Variants in NDUFAF2 observed in about 807,000 individuals in gnomAD.
The protein encoded by NDUFAF2 is NADH dehydrogenase [ubiquinone] 1 alpha subcomplex assembly factor 2.
NDUFAF2 carries 13 observed loss-of-function variants against 22.8 expected under a neutral mutation model. The observed-to-expected ratio is 0.57, with a 90% CI of 0.37 to 0.91. The LOEUF is 0.91. NDUFAF2 is among the 40% of genes least tolerant of loss of function. The pLI is 0.01. For missense variants in NDUFAF2, 162 were observed against 195.2 expected (o/e 0.83, Z 1.01); for synonymous variants, 53 against 64.2 (o/e 0.83, Z 0.84).
intron 3 of NDUFAF2, among the ~76,000 whole-genome samples, chr5:61,100,886 A>G (rs1003458550): frequency 1.5e-4 from 23 of 152,134 alleles, no homozygotes; most frequent in African/African-American, 5.5e-4. Context: ...ATGTTTGCCA[A>G]CATCCAAGCC....
chr5:61,119,901 T>C (rs951872138), intron 3 of NDUFAF2, among the ~76,000 whole-genome samples: 4 of 152,164 alleles, frequency 2.6e-5, no homozygotes, highest in Non-Finnish European at 5.9e-5. Context: ...AATATAACAG[T>C]ACATTTAAAA....
At chr5:61,001,655 C>T (rs2112591126) in intron 1 of NDUFAF2, among the ~76,000 whole-genome samples, 1 of 152,118 alleles carries the variant, frequency 6.6e-6, no homozygotes, top group South Asian at 2.1e-4. Flanking sequence ...TGATGGATAA[C>T]TTAATAAATA....
intron 1 of NDUFAF2, among the ~76,000 whole-genome samples, chr5:61,065,518 TTGCTGGCATGCAAGACTGGTTTAACA>T (rs1752216440): frequency 6.6e-6 from 1 of 152,048 alleles, no homozygotes; most frequent in Non-Finnish European, 1.5e-5. Flanking sequence ...GGGAGATTTA[TTGCTGGCATGCAAGACTGGTTTAACA>T]TACACAAATC....
intron 1 of NDUFAF2, among the ~76,000 whole-genome samples, chr5:60,953,669 A>G (rs1355082958): frequency 1.3e-5 from 2 of 152,168 alleles, no homozygotes; most frequent in Non-Finnish European, 2.9e-5. Context: ...ATAGTGAGTA[A>G]ATGTCTAGAG....
At chr5:61,110,473 G>T (rs567427650) in intron 3 of NDUFAF2, among the ~76,000 whole-genome samples, 1 of 151,992 alleles carries the variant, frequency 6.6e-6, no homozygotes, top group East Asian at 1.9e-4. Context: ...TTTCTTTGCT[G>T]GGAGACTTTA....
intron 3 of NDUFAF2, among the ~76,000 whole-genome samples, chr5:61,133,829 T>C (rs159377): frequency 0.6 from 91,418 of 152,036 alleles, 28,242 homozygotes; most frequent in East Asian, 0.94. Flanking sequence ...TTGTAGGCCC[T>C]GAATTGTGGG....
rs945802783 is a variant in NDUFAF2 at position 61,129,873 on chromosome 5, C to G, written c.259-22831C>G. 3.3e-5 allele frequency among the ~76,000 whole-genome samples: 5 copies of G among 152,050 alleles called. No individual in the cohort carries two copies. The East Asian group carries it at 7.7e-4, about 24-fold the overall frequency. On this transcript the variant is annotated intron_variant, in intron 3 of 3. Transcript: ENST00000296597. ...CATACACTATGCAAATAAAACCCAG[C>G]TTTTTGTTCAACCTAGGCATGTTAA...
chr5:61,019,836 A>T (rs1185349135), intron 1 of NDUFAF2, among the ~76,000 whole-genome samples: 1 of 152,076 alleles, frequency 6.6e-6, no homozygotes, highest in Non-Finnish European at 1.5e-5. Flanking sequence ...TCTTAAAAAG[A>T]GCTGAATCAT....
intron 3 of NDUFAF2, among the ~76,000 whole-genome samples, chr5:61,117,874 C>A (rs754249895): frequency 1.3e-5 from 2 of 151,996 alleles, no homozygotes; most frequent in Non-Finnish European, 2.9e-5. Flanking sequence ...GTGGCTATAT[C>A]CAATAAAACG....
intron 1 of NDUFAF2, among the ~76,000 whole-genome samples, chr5:60,962,157 A>T (rs1476921007): frequency 2.0e-5 from 3 of 150,224 alleles, no homozygotes; most frequent in Non-Finnish European, 4.4e-5. Context: ...TTCACCTCAC[A>T]TAGTTATCTT....
intron 1 of NDUFAF2, among the ~76,000 whole-genome samples, chr5:61,039,717 T>C (rs1225383645): frequency 1.3e-5 from 2 of 152,202 alleles, no homozygotes; most frequent in Admixed American, 1.3e-4. Flanking sequence ...TTTCTCTTTC[T>C]GGCAAGGATG....
intron 3 of NDUFAF2, 97 bp from the exon 4 acceptor site, chr5:61,152,607 A>T: frequency 6.1e-6 from 5 of 814,296 alleles, no homozygotes; most frequent in Non-Finnish European, 9.1e-6. Context: ...GTATATATTT[A>T]TATGTATATA....
At chr5:61,056,510 A>G (rs78844956) in intron 1 of NDUFAF2, among the ~76,000 whole-genome samples, 3,709 of 152,310 alleles carry the variant, frequency 0.024, 63 homozygotes, top group Non-Finnish European at 0.038. Flanking sequence ...GAGAACAAAG[A>G]TAAAATTCAT....
chr5:60,971,580 C>T (rs1750831137), intron 1 of NDUFAF2, among the ~76,000 whole-genome samples: 4 of 152,132 alleles, frequency 2.6e-5, no homozygotes, highest in South Asian at 4.1e-4. Flanking sequence ...AGCCACCGCG[C>T]CCGGCATATC....
At chr5:61,081,411 T>G (rs902043279) in intron 2 of NDUFAF2, among the ~76,000 whole-genome samples, 1 of 152,100 alleles carries the variant, frequency 6.6e-6, no homozygotes, top group African/African-American at 2.4e-5. Context: ...AGTTACTGAA[T>G]GAGGATAGTA....
intron 1 of NDUFAF2, among the ~76,000 whole-genome samples, chr5:60,962,305 G>A (rs1750699268): frequency 6.6e-6 from 1 of 151,520 alleles, no homozygotes; most frequent in Non-Finnish European, 1.5e-5. Flanking sequence ...TTTTGCAAAA[G>A]TTGAAAGCAT....
At chr5:61,062,085 A>C (rs1375950413) in intron 1 of NDUFAF2, among the ~76,000 whole-genome samples, 2 of 152,220 alleles carry the variant, frequency 1.3e-5, no homozygotes, top group Non-Finnish European at 2.9e-5. Context: ...ACCACTCTGT[A>C]AAGTTTGGAA....
chr5:61,117,724 T>C (rs1340778097), intron 3 of NDUFAF2, among the ~76,000 whole-genome samples: 1 of 152,158 alleles, frequency 6.6e-6, no homozygotes, highest in Non-Finnish European at 1.5e-5. Context: ...ATGATATGGA[T>C]GAGCAGTGGC....
At chr5:61,121,809 TCTTTTCTTTC>T in intron 3 of NDUFAF2, among the ~76,000 whole-genome samples, 1 of 151,768 alleles carries the variant, frequency 6.6e-6, no homozygotes, top group Non-Finnish European at 1.5e-5. Flanking sequence ...TGGTTTCTTT[TCTTTTCTTTC>T]CTTTTCTTTT....
Sources: gnomAD v4.1 joint callset for allele counts (sites outside exome capture counted in the v4.1 genomes callset) on GRCh38, gnomAD v4.1.1 for gene constraint, MANE v1.5 for transcripts, NCBI Gene and HGNC (gene_info 2026-07-23, HGNC 2026-07-21) for gene names.